Variants in ZNF644 observed in about 807,000 individuals in gnomAD.
ZNF644 encodes the protein zinc finger motif enhancer binding protein 2.
Under a neutral mutation model 108.0 loss-of-function variants are expected in ZNF644, and 20 were observed. The ratio of observed to expected loss-of-function variants is 0.19; its 90% CI spans 0.13 to 0.27. ZNF644 has a LOEUF of 0.27. Among genes scored for constraint, ZNF644 ranks in the 10% least tolerant of loss-of-function variants. The pLI, the probability that ZNF644 is intolerant of heterozygous loss-of-function variation, is 1.00. For synonymous variants in ZNF644, 542 were observed against 539.1 expected (o/e 1.01, Z -0.08); for missense variants, 1,338 against 1,548.9 (o/e 0.86, Z 2.29).
rs1301508739 is a variant in ZNF644 at position 90,941,047 on chromosome 1, C to G, written c.307G>C (p.Val103Leu). 5 of 1,614,128 alleles carry G rather than the reference C, an allele frequency of 3.1e-6. No individual in the cohort carries two copies. The highest frequency in any genetic ancestry group is 2.2e-5 in the South Asian group (2 of 91,080). The change falls in exon 3 of 6, where the codon GTT becomes CTT. Residue 103 changes from valine (V) to leucine (L), a missense_variant. Val to Leu is a conservative substitution (Grantham distance 32). Around this residue, in one of 6 missense-constraint regions of ZNF644, gnomAD observed 464 missense variants for 457.9 expected, o/e 1.01. Transcript: ENST00000337393. ...GGCAAGATAAAGTTTTCACTAGAAA[C>G]AGTAGGAGCACCAGCATGTATAAAT... ...SLFIHAGAPT[V>L]SSENFILPKG... is the part of the protein sequence containing the mutation.
chr1:90,989,976 A>G (rs1338569916), intron 1 of ZNF644, among the ~76,000 whole-genome samples: 1 of 151,988 alleles, frequency 6.6e-6, no homozygotes, highest in Non-Finnish European at 1.5e-5. Flanking sequence ...AGTATTATGC[A>G]GCCTTAAAAC....
intron 2 of ZNF644, among the ~76,000 whole-genome samples, chr1:90,964,252 A>G (rs1021411959): frequency 2.6e-5 from 4 of 152,106 alleles, no homozygotes; most frequent in African/African-American, 7.2e-5. Flanking sequence ...TTAAGTTTAT[A>G]TAAGAGAAAA....
At chr1:90,960,027 CACTT>C (rs1221333954) in intron 2 of ZNF644, among the ~76,000 whole-genome samples, 1 of 152,120 alleles carries the variant, frequency 6.6e-6, no homozygotes, top group Non-Finnish European at 1.5e-5. Flanking sequence ...ACCCATTAGT[CACTT>C]AGTAATCATC....
rs573151637 is a variant in ZNF644, at chr1:90,915,588, A to T, written c.*1210T>A. ...AAATACCTAATTGTTTTTGGAAAAA[A>T]TTTTTAAAAAGAATCACAATTTATC... On this transcript the variant is annotated 3_prime_UTR_variant, in exon 6 of 6. Transcript: ENST00000337393. The T allele has an allele frequency of 6.6e-5, 10 of 152,668 alleles. No homozygotes were observed. The highest frequency in any genetic ancestry group is 2.1e-4 in the South Asian group (1 of 4,824). 9.5% of individuals were successfully genotyped at this position (152,668 alleles called of 1,614,324 possible).
At chr1:91,005,156 G>A (rs1659293867) in intron 1 of ZNF644, among the ~76,000 whole-genome samples, 1 of 152,044 alleles carries the variant, frequency 6.6e-6, no homozygotes, top group Non-Finnish European at 1.5e-5. Flanking sequence ...ATACCATGCA[G>A]AAAGTAACCA....
chr1:90,989,361 C>A (rs965449742), intron 1 of ZNF644, among the ~76,000 whole-genome samples: 2 of 151,910 alleles, frequency 1.3e-5, no homozygotes, highest in African/African-American at 4.8e-5. Context: ...CTAGCCTGGG[C>A]AACATGGCAA....
At chr1:90,999,114 A>C (rs1658488031) in intron 1 of ZNF644, among the ~76,000 whole-genome samples, 1 of 152,212 alleles carries the variant, frequency 6.6e-6, no homozygotes, top group Admixed American at 6.5e-5. Flanking sequence ...GTAGGAAAAC[A>C]CTCTGCAGGA....
In ZNF644 at chr1:90,940,498, C is replaced by T; in HGVS notation, c.856G>A (p.Gly286Ser). ...TTTCGCTTTCTTTTTTTTTCTAGAC[C>T]TATTTTAGAATGAGGTGGAGCTTTA... is the stretch of plus-strand genomic sequence containing the variant. The part of the protein sequence containing the change: ...VDKAPPHSKI[G>S]LEKKRKRKMD... The change falls in exon 3 of 6, where the codon GGT becomes AGT. Residue 286 changes from glycine to serine, a missense_variant. Gly to Ser is a moderately conservative substitution (Grantham distance 56, BLOSUM62 0). This residue lies in a region of ZNF644 where 464 missense variants were observed against 457.9 expected (regional missense o/e 1.01). Coordinates refer to ENST00000337393, the MANE Select transcript of ZNF644 (RefSeq NM_201269.3). 1 of 1,613,504 alleles carries T rather than the reference C, an allele frequency of 6.2e-7. No homozygotes were observed. Among genetic ancestry groups the T allele is most frequent in the African/African-American group, 1.3e-5 (1 of 74,884 alleles).
At chr1:90,974,300 G>A (rs1315934602) in intron 2 of ZNF644, among the ~76,000 whole-genome samples, 1 of 151,970 alleles carries the variant, frequency 6.6e-6, no homozygotes, top group African/African-American at 2.4e-5. Flanking sequence ...CTGCACTCCA[G>A]CCTGAGGGAT....
Position 90,939,813 on chromosome 1 carries a change from T to A in ZNF644, c.1541A>T (p.His514Leu). 1 of 1,614,012 alleles carries A rather than the reference T, an allele frequency of 6.2e-7. No homozygotes were observed. The highest frequency in any genetic ancestry group is 1.3e-5 in the African/African-American group (1 of 75,044). ...TTTATCTTTTTCATGGGTTTTAGCA[T>A]GTTGCACAAATGTTTTAGGGCAATT... ...GTNCPKTFVQ[H>L]AKTHEKDKRY... The change falls in exon 3 of 6, where the codon CAT (histidine) becomes CTT (leucine). Residue 514 changes from histidine to leucine, a missense_variant. This residue lies in a region of ZNF644 where 80 missense variants were observed against 183.0 expected (regional missense o/e 0.44). Coordinates refer to ENST00000337393, the MANE Select transcript of ZNF644 (RefSeq NM_201269.3).
intron 4 of ZNF644, among the ~76,000 whole-genome samples, chr1:90,937,087 T>C (rs1236361143): frequency 1.3e-5 from 2 of 152,154 alleles, no homozygotes; most frequent in African/African-American, 2.4e-5. Context: ...CTTGGAGAAC[T>C]GGCAAAAATA....
At chr1:90,975,498 C>A (rs1224744114) in intron 2 of ZNF644, among the ~76,000 whole-genome samples, 2 of 147,818 alleles carry the variant, frequency 1.4e-5, no homozygotes, top group African/African-American at 5.0e-5. Context: ...AGCGCAATGG[C>A]GCGATCTCGG....
chr1:91,019,359 A>G (rs1444880524), intron 1 of ZNF644, among the ~76,000 whole-genome samples: 1 of 152,208 alleles, frequency 6.6e-6, no homozygotes, highest in Non-Finnish European at 1.5e-5. Flanking sequence ...ACTGGCAATA[A>G]CAGCAGTTAT....
intron 1 of ZNF644, among the ~76,000 whole-genome samples, chr1:90,983,481 C>CAAAAAAAAAA (rs768476839): frequency 1.6e-5 from 1 of 63,426 alleles, no homozygotes; most frequent in Non-Finnish European, 3.5e-5. Flanking sequence ...CCTCATATGG[C>CAAAAAAAAAA]AAAAAAAAAA....
chr1:90,993,651 A>G (rs1176436992), intron 1 of ZNF644, among the ~76,000 whole-genome samples: 3 of 152,204 alleles, frequency 2.0e-5, no homozygotes, highest in African/African-American at 7.2e-5. Context: ...CAAGGGGGGA[A>G]AAAGGAACAA....
Position 90,915,831 on chromosome 1 carries a change from T to C in ZNF644, c.*967A>G, listed in dbSNP as rs1005313640. 1 of 152,624 alleles carries C rather than the reference T, an allele frequency of 6.6e-6. No individual in the cohort carries two copies. The highest frequency in any genetic ancestry group is 1.5e-5 in the Non-Finnish European group (1 of 68,008). The allele number at this position is 152,624 out of a possible 1,614,324, so 9.5% of individuals were successfully genotyped here. On this transcript the variant is annotated 3_prime_UTR_variant, in exon 6 of 6. Transcript: ENST00000337393. ...TTGCTAACTGATCAAATTTGGAAGA[T>C]AATATAAATGAGAACGTCTATTCTA... is the stretch of plus-strand genomic sequence containing the variant.
At chr1:90,924,799 C>A (rs143086451) in intron 4 of ZNF644, among the ~76,000 whole-genome samples, 14 of 151,970 alleles carry the variant, frequency 9.2e-5, no homozygotes, top group African/African-American at 3.4e-4. Context: ...ATACATAAAC[C>A]TTGGATAACA....
At chr1:90,969,698 C>T in intron 2 of ZNF644, among the ~76,000 whole-genome samples, 1 of 152,104 alleles carries the variant, frequency 6.6e-6, no homozygotes, top group South Asian at 2.1e-4. Context: ...GCTAAGTAAA[C>T]CTTACTTTAC....
chr1:91,019,226 A>G (rs1660674622), intron 1 of ZNF644, among the ~76,000 whole-genome samples: 1 of 152,202 alleles, frequency 6.6e-6, no homozygotes, highest in Non-Finnish European at 1.5e-5. Flanking sequence ...GTAGTCTTAA[A>G]AAGTTGTTTT....
Sources: allele counts gnomAD v4.1 joint callset (sites outside exome capture counted in the v4.1 genomes callset), GRCh38; gene constraint gnomAD v4.1.1; regional missense constraint gnomAD v4.1.1; transcripts MANE v1.5; gene names NCBI Gene and HGNC (gene_info 2026-07-23, HGNC 2026-07-21).